Variants in DIAPH2 observed in about 807,000 individuals in gnomAD.
DIAPH2 encodes protein diaphanous homolog 2.
DIAPH2 carries 35 observed loss-of-function variants against 92.7 expected under a neutral mutation model. The observed-to-expected ratio is 0.38, with a 90% CI of 0.29 to 0.50. The LOEUF (loss-of-function observed/expected upper bound fraction) is 0.50. Ranked by LOEUF, DIAPH2 falls within the 20% of genes least tolerant of loss-of-function variation. The pLI, the probability that DIAPH2 is intolerant of heterozygous loss-of-function variation, is 0.94. For synonymous variants in DIAPH2, 301 were observed against 280.4 expected (o/e 1.07, Z -0.73); for missense variants, 701 against 819.5 (o/e 0.86, Z 1.77).
chrX:96,795,256 C>CT (rs1196398620), intron 4 of DIAPH2, among the ~76,000 whole-genome samples: 8 of 111,363 alleles, frequency 7.2e-5, no homozygotes, highest in Non-Finnish European at 1.5e-4. Context: ...CACAGGTTAT[C>CT]TCACTGCAAC....
chrX:97,574,611 A>G (rs959472481), intron 26 of DIAPH2, among the ~76,000 whole-genome samples: 1 of 111,993 alleles, frequency 8.9e-6, no homozygotes. Context: ...GAAGAGAAGC[A>G]TGATCCAAGA....
intron 4 of DIAPH2, among the ~76,000 whole-genome samples, chrX:96,826,600 T>C (rs1232017468): frequency 9.0e-6 from 1 of 111,159 alleles, no homozygotes; most frequent in Non-Finnish European, 1.9e-5. Context: ...ACCATGTAAG[T>C]TGAATATGTG....
intron 1 of DIAPH2, among the ~76,000 whole-genome samples, chrX:96,686,685 C>T (rs2063772892): frequency 9.0e-6 from 1 of 111,046 alleles, no homozygotes; most frequent in Non-Finnish European, 1.9e-5. Context: ...ACTTTTGAGC[C>T]TTACGTGATT....
chrX:96,850,833 C>T (rs764019597), intron 4 of DIAPH2, among the ~76,000 whole-genome samples: 2 of 112,119 alleles, frequency 1.8e-5, no homozygotes, highest in African/African-American at 3.2e-5. Context: ...GTCAGACATA[C>T]TGATTTTATA....
chrX:97,508,777 T>G (rs1422289506), intron 26 of DIAPH2, among the ~76,000 whole-genome samples: 6 of 111,761 alleles, frequency 5.4e-5, no homozygotes, highest in Admixed American at 1.9e-4. Context: ...GAATGCTGAG[T>G]AATGATGAAA....
intron 17 of DIAPH2, among the ~76,000 whole-genome samples, chrX:97,001,166 G>C (rs1317184906): frequency 8.9e-6 from 1 of 111,772 alleles, no homozygotes; most frequent in Non-Finnish European, 1.9e-5. Context: ...CTTTTTGAAG[G>C]TAAGAAACAG....
chrX:97,045,520 A>G (rs972222775), intron 17 of DIAPH2, among the ~76,000 whole-genome samples: 3 of 111,629 alleles, frequency 2.7e-5, no homozygotes, highest in Non-Finnish European at 5.6e-5. Context: ...AAATTACAGG[A>G]TAGAAGCCCT....
At chrX:96,961,252 G>T (rs763418185) in intron 16 of DIAPH2, among the ~76,000 whole-genome samples, 56 of 110,514 alleles carry the variant, frequency 5.1e-4, no homozygotes, top group African/African-American at 1.8e-3. Flanking sequence ...TTGGTAGATT[G>T]TATGTGTCCA....
Position 97,604,539 on chromosome X carries a change from CTG to C in DIAPH2, c.*5224_*5225del, listed in dbSNP as rs1263630575. 1 of 112,084 alleles carries C rather than the reference CTG, an allele frequency of 8.9e-6. No individual in the cohort carries two copies. 9.2% of individuals were successfully genotyped at this position (112,084 alleles called of 1,213,427 possible). On this transcript the variant is annotated 3_prime_UTR_variant, in exon 27 of 27. Coordinates refer to ENST00000324765, the MANE Select transcript of DIAPH2 (RefSeq NM_006729.5). ...TTGTCTGCACAGGCTGCTGCATGCT[CTG>C]TTGTTAAATGGATGGACAGGCTATT...
At chrX:96,987,733 A>AT (rs1011779116) in intron 17 of DIAPH2, among the ~76,000 whole-genome samples, 1 of 111,163 alleles carries the variant, frequency 9.0e-6, no homozygotes. Context: ...GAGTCCTCTC[A>AT]TTGCTTTGTA....
At chrX:97,271,550 T>C (rs1053666789) in intron 23 of DIAPH2, among the ~76,000 whole-genome samples, 2 of 111,348 alleles carry the variant, frequency 1.8e-5, no homozygotes, top group African/African-American at 6.5e-5. Flanking sequence ...TGTTATCAAC[T>C]GAGAACCTCT....
At chrX:96,746,764 C>CTTGAA (rs2064153105) in intron 3 of DIAPH2, among the ~76,000 whole-genome samples, 1 of 110,538 alleles carries the variant, frequency 9.0e-6, no homozygotes, top group South Asian at 3.9e-4. Context: ...CCAGGCTGAT[C>CTTGAA]TTGAACTCCT....
chrX:96,964,921 G>C (rs967565451), intron 16 of DIAPH2, among the ~76,000 whole-genome samples, 172 bp from the exon 17 acceptor site: 2 of 111,508 alleles, frequency 1.8e-5, no homozygotes, highest in Non-Finnish European at 3.8e-5. Flanking sequence ...ACATAATTCT[G>C]AATTTCCCAA....
intron 1 of DIAPH2, among the ~76,000 whole-genome samples, chrX:96,695,560 G>A (rs1310208378): frequency 8.9e-6 from 1 of 111,832 alleles, no homozygotes; most frequent in East Asian, 2.8e-4. Flanking sequence ...ATGGAGCTGA[G>A]GTATTAGTTG....
At chrX:96,991,445 A>T (rs1014838305) in intron 17 of DIAPH2, among the ~76,000 whole-genome samples, 1 of 109,991 alleles carries the variant, frequency 9.1e-6, no homozygotes, top group African/African-American at 3.3e-5. Context: ...ACCTGAGGAA[A>T]ATAAGGCAAA....
At chrX:96,942,392 G>A (rs764156697) in intron 13 of DIAPH2, among the ~76,000 whole-genome samples, 28 of 110,858 alleles carry the variant, frequency 2.5e-4, no homozygotes, top group Middle Eastern at 9.4e-3. Context: ...TTTAAGCTTA[G>A]TGTTCCACAA....
At chrX:96,727,637 ATTC>A (rs1323878793) in intron 1 of DIAPH2, among the ~76,000 whole-genome samples, 4 of 111,931 alleles carry the variant, frequency 3.6e-5, no homozygotes, top group African/African-American at 1.3e-4. Context: ...TCTTCTCTGA[ATTC>A]TTATTGTGCT....
intron 4 of DIAPH2, among the ~76,000 whole-genome samples, chrX:96,796,172 A>G (rs1312933262): frequency 6.4e-5 from 7 of 110,143 alleles, no homozygotes; most frequent in Non-Finnish European, 1.1e-4. Flanking sequence ...TTTTATTTTT[A>G]GTTTTGTTTT....
rs142251451 is a variant in DIAPH2, at chrX:97,572,693, G to A, written c.3242-26560G>A. Among the ~76,000 whole-genome samples the A allele has an allele frequency of 5.7e-3, 642 of 111,934 alleles. 17 individuals are homozygous for A. The East Asian group carries it at 0.1, about 18-fold the overall frequency. The stretch of plus-strand genomic sequence containing the variant: ...TTTCTTTATTTGCCAAAGAATCTCT[G>A]TAATTGGCTTGCTCTGCAAAGCATT... On this transcript the variant is annotated intron_variant, in intron 26 of 26. Transcript: ENST00000324765.
Sources: gnomAD v4.1 joint callset for allele counts (sites outside exome capture counted in the v4.1 genomes callset) on GRCh38, gnomAD v4.1.1 for gene constraint, MANE v1.5 for transcripts, NCBI Gene and HGNC (gene_info 2026-07-23, HGNC 2026-07-21) for gene names.